MGST2: variants seen among roughly 807,000 people sequenced by gnomAD.
MGST2 encodes glutathione peroxidase MGST2.
Under a neutral mutation model 16.6 loss-of-function variants are expected in MGST2, and 9 were observed. That is an observed-to-expected ratio of 0.54 (90% CI 0.33 to 0.95). The LOEUF is 0.95. MGST2 is among the 40% of genes least tolerant of loss of function. The pLI is 0.03. For synonymous variants in MGST2, 79 were observed against 68.0 expected (o/e 1.16, Z -0.79); for missense variants, 159 against 175.1 (o/e 0.91, Z 0.52).
intron 3 of MGST2, among the ~76,000 whole-genome samples, chr4:139,702,562 G>T (rs1330008268): frequency 6.6e-6 from 1 of 152,016 alleles, no homozygotes; most frequent in African/African-American, 2.4e-5. Flanking sequence ...TCACAGCTTG[G>T]TTATCCATTC....
At chr4:139,693,088 C>G (rs557903274) in intron 2 of MGST2, among the ~76,000 whole-genome samples, 29 of 152,254 alleles carry the variant, frequency 1.9e-4, no homozygotes, top group African/African-American at 7.0e-4. Flanking sequence ...AATGATGGGA[C>G]AATTGTGTTA....
chr4:139,694,691 G>A lies in MGST2; in HGVS notation c.159-506G>A, dbSNP rs144234940. ...CTGTCTATCTTTGATTCTCTGCAAT[G>A]CATGTCAGTCTGGGCTCTCAGGCCT... On this transcript the variant is annotated intron_variant, in intron 2 of 4. Transcript: ENST00000265498. 3.9e-3 allele frequency among the ~76,000 whole-genome samples: 600 copies of A among 152,254 alleles called. 4 individuals carry two copies. The highest frequency in any genetic ancestry group is 0.014 in the African/African-American group (577 of 41,556).
rs1727897069 is a variant in MGST2 at position 139,715,130 on chromosome 4, T to G, written c.*48+10934T>G. ...CAGAGGTCGGTCAAGCATCCTTGCC[T>G]TTTATTAAGGGGGAGCCTTTAACCA... is the stretch of plus-strand genomic sequence containing the variant. On this transcript the variant is annotated intron_variant, in intron 5 of 5. Coordinates refer to the MGST2 transcript ENST00000616265. This position sits in a 1 kb window ranked among gnomAD's most constrained non-coding sequence, Gnocchi z 4.4. Among the ~76,000 whole-genome samples the G allele has an allele frequency of 6.6e-6, 1 of 152,162 alleles. No individual in the cohort carries two copies. The highest frequency in any genetic ancestry group is 1.5e-5 in the Non-Finnish European group (1 of 68,020).
rs1727936216 is a variant in MGST2, at chr4:139,715,933, C to T, written c.*48+11737C>T. 6.6e-6 allele frequency among the ~76,000 whole-genome samples: 1 copy of T among 152,134 alleles called. No individual in the cohort carries two copies. The highest frequency in any genetic ancestry group is 2.1e-4 in the South Asian group (1 of 4,830). ...CCAGTAGGTTTCAGTCTCATTTTAC[C>T]CAGCTCCTATTTAACATGGAGTTGC... On this transcript the variant is annotated intron_variant, in intron 5 of 5. Coordinates refer to the MGST2 transcript ENST00000616265. The surrounding 1 kb of genome is among the most constrained non-coding windows in gnomAD (Gnocchi z 4.4).
rs925902040 is a variant in MGST2, at chr4:139,730,468, C to T, written c.*49-9744C>T. The T allele has an allele frequency of 1.6e-5, 25 of 1,552,380 alleles. No homozygotes were observed. In the Admixed American group the frequency reaches 3.1e-4, roughly 19 times the overall value. ...CTGCTGCTGCTGCTGCCTTTGCTCC[C>T]GCAGGAACTGTTGCTTCTGCTGCTC... On this transcript the variant is annotated intron_variant, in intron 5 of 5. Transcript: ENST00000616265.
At chr4:139,722,411 T>G (rs1467656398) in intron 5 of MGST2, among the ~76,000 whole-genome samples, 1 of 152,244 alleles carries the variant, frequency 6.6e-6, no homozygotes, top group Non-Finnish European at 1.5e-5. Context: ...GTCCAAGGAA[T>G]TAACTTGTCT....
intron 5 of MGST2, chr4:139,719,601 C>T (rs1386097729): frequency 1.1e-5 from 18 of 1,612,938 alleles, no homozygotes; most frequent in Non-Finnish European, 1.5e-5. Context: ...CCAGACATGA[C>T]CATTGGCCTC....
chr4:139,695,608 A>G (rs1486119992), intron 3 of MGST2, among the ~76,000 whole-genome samples: 1 of 151,990 alleles, frequency 6.6e-6, no homozygotes, highest in African/African-American at 2.4e-5. Flanking sequence ...GGTGACAGAG[A>G]CTCCATCTCA....
At chr4:139,693,925 C>G (rs1726766132) in intron 2 of MGST2, among the ~76,000 whole-genome samples, 1 of 152,186 alleles carries the variant, frequency 6.6e-6, no homozygotes, top group Non-Finnish European at 1.5e-5. Context: ...TCGCTGGTGT[C>G]TTTGCTGGTG....
At chr4:139,698,493 AG>A in intron 3 of MGST2, 3 of 1,184,738 alleles carry the variant, frequency 2.5e-6, no homozygotes, top group Non-Finnish European at 3.8e-6. Flanking sequence ...TTTTGTAGCC[AG>A]TTGCTTCCTG....
intron 5 of MGST2, among the ~76,000 whole-genome samples, chr4:139,733,166 A>G (rs928614034): frequency 2.0e-5 from 3 of 152,220 alleles, no homozygotes; most frequent in Admixed American, 2.0e-4. Flanking sequence ...ATGAATTCAC[A>G]CTGACATATA....
intron 5 of MGST2, among the ~76,000 whole-genome samples, chr4:139,728,689 C>A (rs928047986): frequency 7.2e-5 from 11 of 152,170 alleles, no homozygotes; most frequent in African/African-American, 2.7e-4. Context: ...CCAAGAAGCC[C>A]CAGCTCTCTC....
chr4:139,695,581 C>T (rs777905967), intron 3 of MGST2, among the ~76,000 whole-genome samples: 1 of 152,036 alleles, frequency 6.6e-6, no homozygotes, highest in Non-Finnish European at 1.5e-5. Flanking sequence ...GAGATCGTGC[C>T]ACTACACTCC....
At chr4:139,719,708 A>C in intron 5 of MGST2, 1 of 1,613,704 alleles carries the variant, frequency 6.2e-7, no homozygotes, top group Non-Finnish European at 8.5e-7. Flanking sequence ...GTTAGCATCC[A>C]CGACTGACTG....
At chr4:139,749,397 T>C in the MGST2 span, among the ~76,000 whole-genome samples, 2 of 152,230 alleles carry the variant, frequency 1.3e-5, no homozygotes, top group Non-Finnish European at 2.9e-5. Flanking sequence ...TATATTCCCT[T>C]CCTAATCTGC....
chr4:139,714,578 A>G (rs1241374780), intron 5 of MGST2, among the ~76,000 whole-genome samples: 1 of 152,252 alleles, frequency 6.6e-6, no homozygotes, highest in Non-Finnish European at 1.5e-5. Flanking sequence ...CAGGCTGCTT[A>G]GCATCCAATA....
intron 5 of MGST2, among the ~76,000 whole-genome samples, chr4:139,711,399 C>T (rs1727736503): frequency 2.6e-5 from 4 of 152,088 alleles, no homozygotes; most frequent in Admixed American, 2.0e-4. Context: ...ATGGCTACTC[C>T]ATAGAGCAGC....
intron 3 of MGST2, among the ~76,000 whole-genome samples, chr4:139,695,692 G>A (rs190439040): frequency 6.6e-6 from 1 of 152,164 alleles, no homozygotes; most frequent in Non-Finnish European, 1.5e-5. Flanking sequence ...AAAATAAACA[G>A]TGTGTGCATC....
At chr4:139,753,897 T>C in the MGST2 span, among the ~76,000 whole-genome samples, 5 of 152,098 alleles carry the variant, frequency 3.3e-5, no homozygotes, top group African/African-American at 9.7e-5. Flanking sequence ...TGAAGAATTG[T>C]GTAATGAGCA....
Sources: allele counts gnomAD v4.1 joint callset (sites outside exome capture counted in the v4.1 genomes callset), GRCh38; gene constraint gnomAD v4.1.1; non-coding constraint Gnocchi (gnomAD v3.1); transcripts MANE v1.5; gene names NCBI Gene and HGNC (gene_info 2026-07-23, HGNC 2026-07-21).